Variants in SLC30A6 observed in about 807,000 individuals in gnomAD.
The protein encoded by SLC30A6 is solute carrier family 30 member 6.
SLC30A6 carries 55 observed loss-of-function variants against 63.0 expected under a neutral mutation model. The ratio of observed to expected loss-of-function variants is 0.87; its 90% CI spans 0.70 to 1.09. SLC30A6 has a LOEUF of 1.09. SLC30A6 is among the 50% of genes least tolerant of loss of function. The pLI is 0.00. For missense variants in SLC30A6, 587 were observed against 549.2 expected, an observed-to-expected ratio of 1.07 and a Z score of -0.69; for synonymous variants, 224 against 186.1, an observed-to-expected ratio of 1.20 and a Z score of -1.66.
chr2:32,190,358 C>G (rs1683216797), intron 5 of SLC30A6, among the ~76,000 whole-genome samples: 2 of 151,124 alleles, frequency 1.3e-5, no homozygotes, highest in African/African-American at 4.9e-5. Flanking sequence ...ACTTGGGAGG[C>G]TGAGGCAGGA....
At chr2:32,209,233 A>T (rs571279878) in intron 12 of SLC30A6, among the ~76,000 whole-genome samples, 1 of 152,338 alleles carries the variant, frequency 6.6e-6, no homozygotes, top group Non-Finnish European at 1.5e-5. Flanking sequence ...TGGTTGGGGT[A>T]GGGGTTTAAA....
Position 32,192,509 on chromosome 2 carries a change from G to A in SLC30A6, c.365+93G>A. On this transcript the variant is annotated intron_variant, in intron 6 of 13. Coordinates refer to ENST00000282587, the MANE Select transcript of SLC30A6 (RefSeq NM_017964.5). ...CAGACACATTTGCTTTCAAGGGTAT[G>A]AAAACTTAGATGAGCAGGGCTGGAG... is the stretch of plus-strand genomic sequence containing the variant. The A allele has an allele frequency of 2.8e-6, 3 of 1,060,602 alleles. No individual in the cohort carries two copies. In the South Asian group the frequency reaches 4.3e-5, roughly 15 times the overall value. 65.7% of individuals were successfully genotyped at this position (1,060,602 alleles called of 1,614,324 possible).
chr2:32,212,949 T>G (rs1400486513), intron 13 of SLC30A6, among the ~76,000 whole-genome samples: 2 of 143,604 alleles, frequency 1.4e-5, no homozygotes, highest in Non-Finnish European at 3.0e-5. Context: ...CCCTGTCACC[T>G]AGGCTGGAGT....
At chr2:32,218,520 CTTTTGTTTTG>C (rs57425197) in intron 13 of SLC30A6, among the ~76,000 whole-genome samples, 23,027 of 143,002 alleles carry the variant, frequency 0.16, 1,863 homozygotes, top group African/African-American at 0.2. Flanking sequence ...CAGCTCTCCT[CTTTTGTTTTG>C]TTTTGTTTTG....
chr2:32,210,515 C>CAAAAAAAAAAAAAAAAAAAA, intron 13 of SLC30A6, among the ~76,000 whole-genome samples: 1 of 89,216 alleles, frequency 1.1e-5, no homozygotes, highest in Admixed American at 1.5e-4. Flanking sequence ...ACTCTGTCTC[C>CAAAAAAAAAAAAAAAAAAAA]AAAAAAAAAA....
rs1686279863 is a variant in SLC30A6 at position 32,223,954 on chromosome 2, CTGTT to C, written c.*3245_*3248del. On this transcript the variant is annotated 3_prime_UTR_variant, in exon 14 of 14. Coordinates refer to ENST00000282587, the MANE Select transcript of SLC30A6 (RefSeq NM_017964.5). ...CCTGAATTTCAAGCTTCTGATTTAG[CTGTT>C]TGTAAACTTCCAAGTTTTGCTTGAC... 6.6e-6 allele frequency: 1 copy of C among 152,212 alleles called. No homozygotes were observed. The highest frequency in any genetic ancestry group is 2.4e-5 in the African/African-American group (1 of 41,434). 9.4% of individuals were successfully genotyped at this position (152,212 alleles called of 1,614,324 possible).
At chr2:32,220,124 A>G in intron 13 of SLC30A6, 89 bp from the exon 14 acceptor site, 2 of 1,432,776 alleles carry the variant, frequency 1.4e-6, no homozygotes, top group Non-Finnish European at 9.3e-7. Flanking sequence ...CCAGGAACTT[A>G]CCAAATCATA....
At chr2:32,200,616 G>T (rs1360557787) in intron 10 of SLC30A6, among the ~76,000 whole-genome samples, 1 of 150,872 alleles carries the variant, frequency 6.6e-6, no homozygotes, top group Non-Finnish European at 1.5e-5. Flanking sequence ...GATTAAGGGC[G>T]GTGCAAGATG....
chr2:32,182,487 C>G (rs765183026), intron 4 of SLC30A6, among the ~76,000 whole-genome samples: 1 of 152,100 alleles, frequency 6.6e-6, no homozygotes, highest in Non-Finnish European at 1.5e-5. Flanking sequence ...TCCACTGGAG[C>G]TCTATTGGGG....
chr2:32,209,932 A>C (rs957937632), intron 13 of SLC30A6, among the ~76,000 whole-genome samples: 1 of 152,246 alleles, frequency 6.6e-6, no homozygotes, highest in African/African-American at 2.4e-5. Flanking sequence ...AAAATGTTAA[A>C]AAAAATTAAA....
chr2:32,199,932 T>A (rs1294136654), intron 10 of SLC30A6, among the ~76,000 whole-genome samples: 2 of 152,094 alleles, frequency 1.3e-5, no homozygotes, highest in African/African-American at 2.4e-5. Context: ...CTGGCCAACA[T>A]GGCAAAACCC....
intron 11 of SLC30A6, among the ~76,000 whole-genome samples, chr2:32,206,419 C>A (rs894342512): frequency 1.4e-5 from 2 of 147,890 alleles, no homozygotes; most frequent in Non-Finnish European, 3.0e-5. Context: ...GCATTCCAGC[C>A]TGGGCGACAG....
At chr2:32,208,942 G>A (rs1346420534) in intron 12 of SLC30A6, among the ~76,000 whole-genome samples, 1 of 152,168 alleles carries the variant, frequency 6.6e-6, no homozygotes, top group African/African-American at 2.4e-5. Context: ...ACTTTTACCA[G>A]TATAACTGGC....
chr2:32,212,894 A>ATTTTTTTTTTTTTTTTTTTTT (rs10522618), intron 13 of SLC30A6, among the ~76,000 whole-genome samples: 4 of 118,244 alleles, frequency 3.4e-5, no homozygotes, highest in African/African-American at 1.3e-4. Context: ...TGTGTCCAGC[A>ATTTTTTTTTTTTTTTTTTTTT]TTTTTTTTTT....
chr2:32,201,635 A>T, intron 10 of SLC30A6: 1 of 1,515,628 alleles, frequency 6.6e-7, no homozygotes, highest in Non-Finnish European at 9.0e-7. Flanking sequence ...ACATTATGGA[A>T]CTGGAAGCAC....
intron 13 of SLC30A6, among the ~76,000 whole-genome samples, chr2:32,212,894 ATTTTTTTTTTTTT>A (rs10522618): frequency 5.9e-5 from 7 of 118,256 alleles, no homozygotes; most frequent in African/African-American, 1.3e-4. Flanking sequence ...TGTGTCCAGC[ATTTTTTTTTTTTT>A]TTTTTTTTTT....
chr2:32,201,791 A>C, intron 10 of SLC30A6: 2 of 1,346,884 alleles, frequency 1.5e-6, no homozygotes, highest in South Asian at 2.5e-5. Flanking sequence ...TACATTACAC[A>C]GTGCTGGAGT....
At chr2:32,215,803 C>G (rs2148908897) in intron 13 of SLC30A6, among the ~76,000 whole-genome samples, 2 of 152,118 alleles carry the variant, frequency 1.3e-5, no homozygotes, top group Middle Eastern at 6.8e-3. Context: ...CCTCTAGGCT[C>G]AAGCAGTCTT....
intron 11 of SLC30A6, 33 bp from the exon 12 acceptor site, chr2:32,206,853 C>T (rs1257475538): frequency 1.3e-6 from 2 of 1,585,380 alleles, no homozygotes; most frequent in Admixed American, 1.7e-5. Context: ...TTTCCTTCCC[C>T]CATTATTCAT....
Sources: gnomAD v4.1 joint callset for allele counts (sites outside exome capture counted in the v4.1 genomes callset) on GRCh38, gnomAD v4.1.1 for gene constraint, MANE v1.5 for transcripts, NCBI Gene and HGNC (gene_info 2026-07-23, HGNC 2026-07-21) for gene names.